CSMD1: variants seen among roughly 807,000 people sequenced by gnomAD.
CSMD1 encodes the protein CUB and sushi domain-containing protein 1.
Under a neutral mutation model 417.5 loss-of-function variants are expected in CSMD1, and 213 were observed. The ratio of observed to expected loss-of-function variants is 0.51; its 90% CI spans 0.46 to 0.57. The LOEUF is 0.57. CSMD1 is among the 20% of genes least tolerant of loss of function. The pLI, the probability that CSMD1 is intolerant of heterozygous loss-of-function variation, is 0.00. For missense variants in CSMD1, 6,923 were observed against 4,529.7 expected, an observed-to-expected ratio of 1.53 and a Z score of -15.17; for synonymous variants, 2,862 against 1,736.8, an observed-to-expected ratio of 1.65 and a Z score of -16.11.
chr8:3,634,770 A>G (rs1281398936), intron 7 of CSMD1, among the ~76,000 whole-genome samples: 2 of 152,072 alleles, frequency 1.3e-5, no homozygotes, highest in Non-Finnish European at 2.9e-5. Flanking sequence ...TTGCTTACCC[A>G]TTAGTGAATA....
At chr8:4,319,045 T>C (rs574689430) in intron 3 of CSMD1, among the ~76,000 whole-genome samples, 1 of 152,190 alleles carries the variant, frequency 6.6e-6, no homozygotes, top group Non-Finnish European at 1.5e-5. Context: ...AACTCCTTGT[T>C]TGACCAAATA....
intron 1 of CSMD1, among the ~76,000 whole-genome samples, chr8:4,896,813 C>T (rs1563702619): frequency 6.6e-6 from 1 of 151,918 alleles, no homozygotes; most frequent in East Asian, 1.9e-4. Flanking sequence ...GGGGGAAGTG[C>T]AGGGCTATCC....
chr8:3,195,424 G>A (rs1469042894), intron 33 of CSMD1, among the ~76,000 whole-genome samples: 1 of 152,204 alleles, frequency 6.6e-6, no homozygotes, highest in Admixed American at 6.5e-5. Flanking sequence ...GTCTCTAAAT[G>A]CAATGTAATT....
At chr8:3,252,944 A>T (rs1042129059) in intron 26 of CSMD1, among the ~76,000 whole-genome samples, 2 of 151,910 alleles carry the variant, frequency 1.3e-5, no homozygotes, top group African/African-American at 4.8e-5. Flanking sequence ...CTATTTGATT[A>T]TTCTCTCTTT....
intron 2 of CSMD1, among the ~76,000 whole-genome samples, chr8:4,434,878 C>T (rs977277617): frequency 2.0e-5 from 3 of 152,156 alleles, no homozygotes; most frequent in African/African-American, 7.2e-5. Flanking sequence ...ACATCTTTTT[C>T]CTCAAGAAAA....
chr8:4,475,276 C>T (rs1800738833), intron 2 of CSMD1, among the ~76,000 whole-genome samples: 1 of 152,054 alleles, frequency 6.6e-6, no homozygotes, highest in Non-Finnish European at 1.5e-5. Flanking sequence ...TTTCTATATC[C>T]ATAATAGTTT....
At chr8:3,727,074 T>G (rs778366078) in intron 6 of CSMD1, among the ~76,000 whole-genome samples, 1 of 152,344 alleles carries the variant, frequency 6.6e-6, no homozygotes, top group South Asian at 2.1e-4. Context: ...TATATAAAGA[T>G]AATGGCATTT....
At chr8:4,577,302 G>C (rs1455686697) in intron 2 of CSMD1, among the ~76,000 whole-genome samples, 1 of 152,172 alleles carries the variant, frequency 6.6e-6, no homozygotes, top group Non-Finnish European at 1.5e-5. Context: ...TCTCTTGGGA[G>C]ACTAAAATTA....
chr8:4,194,457 T>C (rs377217247), intron 3 of CSMD1, among the ~76,000 whole-genome samples: 5 of 152,166 alleles, frequency 3.3e-5, no homozygotes, highest in East Asian at 3.9e-4. Flanking sequence ...AGGCCTGAAT[T>C]ACAATAGCGC....
intron 3 of CSMD1, among the ~76,000 whole-genome samples, chr8:4,273,896 T>C (rs914605556): frequency 3.3e-5 from 5 of 152,176 alleles, no homozygotes; most frequent in African/African-American, 9.7e-5. Flanking sequence ...GTTCAGTAAG[T>C]GTTGACTCTC....
chr8:3,721,986 C>T (rs1169719264), intron 6 of CSMD1, among the ~76,000 whole-genome samples: 1 of 152,152 alleles, frequency 6.6e-6, no homozygotes, highest in East Asian at 1.9e-4. Flanking sequence ...TCCCCAAGCC[C>T]CCCACAAGCC....
intron 5 of CSMD1, among the ~76,000 whole-genome samples, chr8:3,864,596 C>A (rs1488201511): frequency 1.3e-5 from 2 of 152,098 alleles, no homozygotes; most frequent in Admixed American, 6.5e-5. Context: ...CTAGGTATAT[C>A]TCCTAGTGTT....
At chr8:3,689,400 T>C (rs1800117139) in intron 7 of CSMD1, among the ~76,000 whole-genome samples, 1 of 152,222 alleles carries the variant, frequency 6.6e-6, no homozygotes, top group Non-Finnish European at 1.5e-5. Flanking sequence ...CCTTCGGTTA[T>C]ACAATGTTTC....
At position 3,557,414 on chromosome 8, in the gene CSMD1, TG is replaced by T. The variant is rs150042664; in HGVS notation, c.1344+17530del. 4.4e-3 allele frequency among the ~76,000 whole-genome samples: 672 copies of T among 152,334 alleles called. 6 individuals carry two copies. Among genetic ancestry groups the T allele is most frequent in the African/African-American group, 0.015 (636 of 41,582 alleles). ...TGACCATTTATGGGTCTTCACTATT[TG>T]CCAAACGCTGTGCACAAGACTGGAA... On this transcript the variant is annotated intron_variant, in intron 10 of 69. Transcript: ENST00000635120.
At chr8:3,882,251 C>T (rs1806255922) in intron 5 of CSMD1, among the ~76,000 whole-genome samples, 1 of 152,078 alleles carries the variant, frequency 6.6e-6, no homozygotes, top group Non-Finnish European at 1.5e-5. Flanking sequence ...TGAACTGACA[C>T]TTATTAGAAA....
chr8:3,967,497 T>G (rs1812762127), intron 5 of CSMD1, among the ~76,000 whole-genome samples: 1 of 151,982 alleles, frequency 6.6e-6, no homozygotes, highest in Non-Finnish European at 1.5e-5. Context: ...GAAATACATG[T>G]GTTGCGGACT....
chr8:4,291,828 T>C (rs1797384541), intron 3 of CSMD1, among the ~76,000 whole-genome samples: 1 of 152,218 alleles, frequency 6.6e-6, no homozygotes, highest in African/African-American at 2.4e-5. Context: ...ATGTAAACCA[T>C]ATGGCCTTTG....
intron 1 of CSMD1, among the ~76,000 whole-genome samples, chr8:4,701,142 C>T (rs1056149126): frequency 6.6e-6 from 1 of 151,946 alleles, no homozygotes; most frequent in Admixed American, 6.6e-5. Context: ...TCGTTTTTTA[C>T]ACAAAGCTGT....
At chr8:4,845,825 A>G in intron 1 of CSMD1, among the ~76,000 whole-genome samples, 1 of 152,350 alleles carries the variant, frequency 6.6e-6, no homozygotes, top group South Asian at 2.1e-4. Context: ...TTCACATCAG[A>G]AATTTACATA....
Sources: allele counts gnomAD v4.1 joint callset (sites outside exome capture counted in the v4.1 genomes callset), GRCh38; gene constraint gnomAD v4.1.1; transcripts MANE v1.5; gene names NCBI Gene and HGNC (gene_info 2026-07-23, HGNC 2026-07-21).